The following BAIAP2 variants were observed in gnomAD, a reference collection of about 807,000 sequenced individuals.
The protein encoded by BAIAP2 is BAR/IMD domain-containing adapter protein 2.
BAIAP2 carries 18 observed loss-of-function variants against 63.0 expected under a neutral mutation model. The observed-to-expected ratio is 0.29, with a 90% CI of 0.20 to 0.42. The LOEUF is 0.42. BAIAP2 is among the 10% of genes least tolerant of loss of function. The probability of loss-of-function intolerance (pLI) is 1.00; values close to 1 mark genes in which losing one functional copy is unlikely to be tolerated. For missense variants in BAIAP2, 610 were observed against 734.3 expected, an observed-to-expected ratio of 0.83 and a Z score of 1.96; for synonymous variants, 386 against 307.6, an observed-to-expected ratio of 1.25 and a Z score of -2.67.
At position 81,093,611 on chromosome 17, in the gene BAIAP2, G is replaced by A. The variant is rs537530192; in HGVS notation, c.490-6317G>A. On this transcript the variant is annotated intron_variant, in intron 6 of 13. Coordinates refer to ENST00000428708, the MANE Select transcript of BAIAP2 (RefSeq NM_001144888.2). ...GATCATCGTGGGGGTCCTGGGAAGC[G>A]GCACTGGTGCTCTGCTCACTGTAAT... is the stretch of plus-strand genomic sequence containing the variant. Among the ~76,000 whole-genome samples, 8 of 152,188 alleles carry A rather than the reference G, an allele frequency of 5.3e-5. No homozygotes were observed. The East Asian group carries it at 5.8e-4, about 11-fold the overall frequency.
intron 6 of BAIAP2, among the ~76,000 whole-genome samples, chr17:81,090,392 C>T (rs2056511523): frequency 6.6e-6 from 1 of 151,562 alleles, no homozygotes; most frequent in South Asian, 2.1e-4. Context: ...CCTCCTTCCT[C>T]TGTCAATGGG....
chr17:81,070,712 G>A (rs2052467022), intron 3 of BAIAP2, among the ~76,000 whole-genome samples: 1 of 152,164 alleles, frequency 6.6e-6, no homozygotes. Context: ...GTGTCACGTA[G>A]GGGCCCTCTG....
intron 3 of BAIAP2, among the ~76,000 whole-genome samples, chr17:81,078,370 G>A (rs367763162): frequency 1.5e-5 from 2 of 137,098 alleles, no homozygotes; most frequent in Non-Finnish European, 1.6e-5. Flanking sequence ...TCGGAGCTGG[G>A]TGCTGTGGGT....
intron 3 of BAIAP2, among the ~76,000 whole-genome samples, chr17:81,077,500 G>A (rs1408820553): frequency 1.3e-5 from 2 of 152,136 alleles, no homozygotes; most frequent in East Asian, 1.9e-4. Context: ...CCCGGGAGGC[G>A]GAGGTTGCAG....
chr17:81,106,641 G>T (rs1021902109), intron 11 of BAIAP2, 104 bp from the exon 12 acceptor site: 3 of 1,376,020 alleles, frequency 2.2e-6, no homozygotes, highest in Admixed American at 3.9e-5. Context: ...CTCCCCGCAT[G>T]TGGCGTGGGC....
chr17:81,055,574 G>GTTTTTTGTTGTTTTTTTTTGTTTTTTT (rs370775327), intron 2 of BAIAP2, among the ~76,000 whole-genome samples: 5 of 123,414 alleles, frequency 4.1e-5, no homozygotes, highest in South Asian at 2.8e-4. Flanking sequence ...AGGGTGTTTT[G>GTTTTTTGTTGTTTTTTTTTGTTTTTTT]TTTTTTTTTG....
chr17:81,074,073 G>T (rs780846274), intron 3 of BAIAP2, among the ~76,000 whole-genome samples: 1 of 152,238 alleles, frequency 6.6e-6, no homozygotes, highest in Non-Finnish European at 1.5e-5. Flanking sequence ...CAATGGCATC[G>T]TCGGGCCATT....
intron 3 of BAIAP2, among the ~76,000 whole-genome samples, chr17:81,068,080 G>A (rs1297936421): frequency 6.6e-6 from 1 of 152,250 alleles, no homozygotes; most frequent in East Asian, 1.9e-4. Flanking sequence ...CCTGGGGGAC[G>A]TGGGTCCCAT....
intron 3 of BAIAP2, among the ~76,000 whole-genome samples, chr17:81,075,843 A>T (rs750320202): frequency 7.9e-5 from 12 of 152,054 alleles, no homozygotes; most frequent in Non-Finnish European, 1.3e-4. Context: ...GGCCAGCCAC[A>T]GGCTCCATAT....
At chr17:81,110,754 A>G (rs1285991378) in intron 13 of BAIAP2, among the ~76,000 whole-genome samples, 1 of 152,162 alleles carries the variant, frequency 6.6e-6, no homozygotes, top group Non-Finnish European at 1.5e-5. Flanking sequence ...CAGGCTCCGC[A>G]GGCGCCGTCC....
intron 5 of BAIAP2, among the ~76,000 whole-genome samples, chr17:81,085,935 G>GC (rs1360878566): frequency 1.3e-5 from 2 of 152,246 alleles, no homozygotes; most frequent in Non-Finnish European, 2.9e-5. Context: ...TGCCTCTGAC[G>GC]CCCCACATGC....
intron 1 of BAIAP2, among the ~76,000 whole-genome samples, chr17:81,051,979 C>G (rs968024221): frequency 2.6e-5 from 4 of 152,230 alleles, no homozygotes; most frequent in Non-Finnish European, 5.9e-5. Flanking sequence ...TGCGAGCCAC[C>G]GCATCTGACC....
chr17:81,071,712 C>T (rs927368672), intron 3 of BAIAP2, among the ~76,000 whole-genome samples: 1 of 152,270 alleles, frequency 6.6e-6, no homozygotes, highest in African/African-American at 2.4e-5. Context: ...GTCCAGCTCC[C>T]GGCAGACTCA....
chr17:81,104,949 C>G, intron 10 of BAIAP2: 2 of 523,336 alleles, frequency 3.8e-6, no homozygotes, highest in Non-Finnish European at 6.9e-6. Context: ...CAGGGGTCTT[C>G]CCCTACAGGA....
At chr17:81,093,316 C>T (rs2057110267) in intron 6 of BAIAP2, among the ~76,000 whole-genome samples, 1 of 152,230 alleles carries the variant, frequency 6.6e-6, no homozygotes, top group Non-Finnish European at 1.5e-5. Context: ...CCTCAGCGGC[C>T]TGAAACTCCT....
At chr17:81,053,435 T>C (rs995418729) in intron 1 of BAIAP2, 1 of 563,634 alleles carries the variant, frequency 1.8e-6, no homozygotes, top group Non-Finnish European at 3.2e-6. Flanking sequence ...GCCGGGTTTC[T>C]TCTTACCCCC....
intron 10 of BAIAP2, chr17:81,105,227 A>G (rs1444870937): frequency 6.1e-6 from 1 of 162,842 alleles, no homozygotes; most frequent in East Asian, 1.9e-4. Flanking sequence ...GTCTTCCCCC[A>G]TGGCTGGGGT....
intron 6 of BAIAP2, among the ~76,000 whole-genome samples, chr17:81,092,303 C>T (rs2145558232): frequency 6.6e-6 from 1 of 152,288 alleles, no homozygotes; most frequent in South Asian, 2.1e-4. Context: ...GAGGCCGAGG[C>T]CCCCGATGCG....
chr17:81,044,330 T>A (rs1297438154), intron 1 of BAIAP2, among the ~76,000 whole-genome samples: 1 of 152,198 alleles, frequency 6.6e-6, no homozygotes, highest in Non-Finnish European at 1.5e-5. Flanking sequence ...TTGGCGGTAA[T>A]GAGTGACCTA....
Sources: gnomAD v4.1 joint callset for allele counts (sites outside exome capture counted in the v4.1 genomes callset) on GRCh38, gnomAD v4.1.1 for gene constraint, MANE v1.5 for transcripts, NCBI Gene and HGNC (gene_info 2026-07-23, HGNC 2026-07-21) for gene names.